Variants in STARD13 observed in about 807,000 individuals in gnomAD.
STARD13 encodes StAR related lipid transfer domain containing 13.
STARD13 carries 62 observed loss-of-function variants against 106.4 expected under a neutral mutation model. The observed-to-expected ratio is 0.58, with a 90% confidence interval of 0.48 to 0.72. The LOEUF (loss-of-function observed/expected upper bound fraction) is 0.72, where lower values mean the gene tolerates loss of function less well. Among genes scored for constraint, STARD13 ranks in the 30% least tolerant of loss-of-function variants. The pLI is 0.00. For missense variants in STARD13, 1,387 were observed against 1,424.0 expected, an observed-to-expected ratio of 0.97 and a Z score of 0.42; for synonymous variants, 565 against 553.0, an observed-to-expected ratio of 1.02 and a Z score of -0.31.
chr13:33,236,168 C>G (rs1311399489), intron 1 of STARD13, among the ~76,000 whole-genome samples: 1 of 152,198 alleles, frequency 6.6e-6, no homozygotes, highest in Non-Finnish European at 1.5e-5. Flanking sequence ...AAGATTGAAT[C>G]ACTCTATTAT....
intron 1 of STARD13, among the ~76,000 whole-genome samples, chr13:33,216,443 C>G (rs1403845346): frequency 6.6e-6 from 1 of 152,092 alleles, no homozygotes; most frequent in South Asian, 2.1e-4. Flanking sequence ...GACTATTAAT[C>G]TAAGTGAAGT....
chr13:33,468,962 C>G, the STARD13 span, among the ~76,000 whole-genome samples: 2 of 152,130 alleles, frequency 1.3e-5, no homozygotes, highest in African/African-American at 4.8e-5. Context: ...AAAAAAGGAA[C>G]TTACCTTCCT....
intron 1 of STARD13, among the ~76,000 whole-genome samples, chr13:33,260,390 T>C (rs899681573): frequency 5.9e-5 from 9 of 152,352 alleles, no homozygotes; most frequent in Middle Eastern, 3.4e-3. Flanking sequence ...TGGGCAGCCA[T>C]TGCCAACGCT....
chr13:33,288,999 G>C (rs1025932773), upstream of STARD13, among the ~76,000 whole-genome samples: 35 of 152,300 alleles, frequency 2.3e-4, no homozygotes, highest in African/African-American at 7.9e-4. Flanking sequence ...AGACAGGTCT[G>C]TTGTATTAGA....
intron 1 of STARD13, among the ~76,000 whole-genome samples, chr13:33,199,146 C>T (rs1226454442): frequency 6.6e-6 from 1 of 152,174 alleles, no homozygotes; most frequent in African/African-American, 2.4e-5. Flanking sequence ...TTGATGTTTC[C>T]AGGCCACATT....
At chr13:33,500,756 A>T in the STARD13 span, among the ~76,000 whole-genome samples, 16 of 152,284 alleles carry the variant, frequency 1.1e-4, no homozygotes, top group Middle Eastern at 6.8e-3. Flanking sequence ...CAACTACAGC[A>T]GGAATTCTAT....
chr13:33,276,010 T>G (rs2138376911), intron 1 of STARD13: 1 of 152,374 alleles, frequency 6.6e-6, no homozygotes, highest in East Asian at 1.9e-4. Context: ...CTTCGCAGGC[T>G]TCTTCAAGAT....
At chr13:33,542,570 T>G in the STARD13 span, among the ~76,000 whole-genome samples, 4 of 152,128 alleles carry the variant, frequency 2.6e-5, no homozygotes, top group East Asian at 1.9e-4. Flanking sequence ...CCCCTCGCCC[T>G]CCCACCAAGA....
At chr13:33,472,519 C>T in the STARD13 span, among the ~76,000 whole-genome samples, 2 of 152,036 alleles carry the variant, frequency 1.3e-5, no homozygotes, top group Non-Finnish European at 2.9e-5. Flanking sequence ...CCAGTAGTAC[C>T]CTCCCCTCAG....
the STARD13 span, among the ~76,000 whole-genome samples, chr13:33,446,474 T>C: frequency 6.6e-6 from 1 of 152,100 alleles, no homozygotes; most frequent in Non-Finnish European, 1.5e-5. Flanking sequence ...TAGTTTTAAA[T>C]ATACTTTTTA....
At chr13:33,472,388 G>T in the STARD13 span, among the ~76,000 whole-genome samples, 4 of 151,862 alleles carry the variant, frequency 2.6e-5, no homozygotes, top group African/African-American at 7.3e-5. Context: ...ATATACTGGG[G>T]TTTCTCAGTG....
At chr13:33,513,840 G>A in the STARD13 span, among the ~76,000 whole-genome samples, 2 of 151,996 alleles carry the variant, frequency 1.3e-5, no homozygotes, top group East Asian at 1.9e-4. Flanking sequence ...CTGTTAATAT[G>A]TTTCCCCCAT....
At chr13:33,340,954 A>G (rs1365417186) in intron 1 of STARD13, among the ~76,000 whole-genome samples, 1 of 152,194 alleles carries the variant, frequency 6.6e-6, no homozygotes, top group Admixed American at 6.5e-5. Context: ...ATGCTTTGAC[A>G]AGGATGCTAT....
intron 3 of STARD13, among the ~76,000 whole-genome samples, chr13:33,151,110 GC>G (rs2138279276): frequency 6.7e-6 from 1 of 149,414 alleles, no homozygotes; most frequent in East Asian, 2.0e-4. Flanking sequence ...AGAGAAATTT[GC>G]TGTCTAGGCA....
chr13:33,444,173 T>C, the STARD13 span, among the ~76,000 whole-genome samples: 1 of 152,296 alleles, frequency 6.6e-6, no homozygotes, highest in African/African-American at 2.4e-5. Flanking sequence ...GCCGAGTGCT[T>C]AGTCAGTATA....
At chr13:33,648,529 G>A in the STARD13 span, among the ~76,000 whole-genome samples, 1 of 152,162 alleles carries the variant, frequency 6.6e-6, no homozygotes, top group Non-Finnish European at 1.5e-5. Flanking sequence ...GGCATAGTAT[G>A]GAAAGGATTC....
the STARD13 span, among the ~76,000 whole-genome samples, chr13:33,454,777 C>T: frequency 3.3e-5 from 5 of 152,038 alleles, no homozygotes; most frequent in Non-Finnish European, 7.4e-5. Context: ...AAGTAGAAAA[C>T]GAATGAAGGG....
At chr13:33,534,600 G>T in the STARD13 span, among the ~76,000 whole-genome samples, 1 of 152,014 alleles carries the variant, frequency 6.6e-6, no homozygotes, top group African/African-American at 2.4e-5. Flanking sequence ...CAGGAGAAAA[G>T]GAACCTTTTC....
chr13:33,565,873 G>T, the STARD13 span, among the ~76,000 whole-genome samples: 1 of 148,374 alleles, frequency 6.7e-6, no homozygotes, highest in African/African-American at 2.5e-5. Flanking sequence ...TCTTTGGAAA[G>T]CTTTCCCAAG....
Sources: allele counts gnomAD v4.1 joint callset (sites outside exome capture counted in the v4.1 genomes callset), GRCh38; gene constraint gnomAD v4.1.1; transcripts MANE v1.5; gene names NCBI Gene and HGNC (gene_info 2026-07-23, HGNC 2026-07-21).